The following CSNK1A1 variants were observed in gnomAD, a reference collection of about 807,000 sequenced individuals.
The protein encoded by CSNK1A1 is casein kinase 1 alpha 1.
Under a neutral mutation model 46.1 loss-of-function variants are expected in CSNK1A1, and 7 were observed. The ratio of observed to expected loss-of-function variants is 0.15; its 90% CI spans 0.09 to 0.29. The LOEUF (loss-of-function observed/expected upper bound fraction) is 0.29, where lower values mean the gene tolerates loss of function less well. Ranked by LOEUF, CSNK1A1 falls within the 10% of genes least tolerant of loss-of-function variation. The pLI is 1.00. For missense variants in CSNK1A1, 96 were observed against 417.1 expected, an observed-to-expected ratio of 0.23 and a Z score of 6.71; for synonymous variants, 137 against 141.5, an observed-to-expected ratio of 0.97 and a Z score of 0.23.
At chr5:149,543,036 C>T (rs529615767) in intron 2 of CSNK1A1, among the ~76,000 whole-genome samples, 3 of 152,112 alleles carry the variant, frequency 2.0e-5, no homozygotes, top group African/African-American at 7.2e-5. Context: ...CTGCAATCCA[C>T]AGATTCAAAA....
intron 2 of CSNK1A1, among the ~76,000 whole-genome samples, chr5:149,534,401 T>A (rs1370130147): frequency 6.8e-6 from 1 of 148,054 alleles, no homozygotes; most frequent in Non-Finnish European, 1.5e-5. Flanking sequence ...GAAGAATTGC[T>A]TGAACCCGGG....
intron 2 of CSNK1A1, among the ~76,000 whole-genome samples, chr5:149,544,050 A>G (rs953537214): frequency 6.6e-6 from 1 of 152,236 alleles, no homozygotes; most frequent in African/African-American, 2.4e-5. Flanking sequence ...AAAAGTCCTT[A>G]GGATCAATGA....
intron 4 of CSNK1A1, among the ~76,000 whole-genome samples, chr5:149,514,698 C>T (rs1761345048): frequency 6.6e-6 from 1 of 152,136 alleles, no homozygotes; most frequent in African/African-American, 2.4e-5. Flanking sequence ...TGACCAGTAC[C>T]TCTCCTAGGA....
chr5:149,501,581 T>G (rs1265955064), intron 9 of CSNK1A1: 1 of 985,304 alleles, frequency 1.0e-6, no homozygotes, highest in African/African-American at 1.7e-5. Context: ...GTCAATACTT[T>G]GAGAGCTGTC....
chr5:149,544,737 T>TTA (rs375444306), intron 2 of CSNK1A1, among the ~76,000 whole-genome samples: 25,759 of 80,534 alleles, frequency 0.32, 4,379 homozygotes, highest in Middle Eastern at 0.48. Context: ...GTAAAGAGCT[T>TTA]TATATATATA....
intron 9 of CSNK1A1, chr5:149,504,151 A>G (rs1760956569): frequency 1.0e-6 from 1 of 985,336 alleles, no homozygotes; most frequent in African/African-American, 1.7e-5. Context: ...CTGTGTGAAC[A>G]TTAGGGTTTG....
intron 3 of CSNK1A1, among the ~76,000 whole-genome samples, chr5:149,523,502 T>C (rs1045942263): frequency 1.3e-5 from 2 of 152,244 alleles, no homozygotes; most frequent in East Asian, 3.9e-4. Context: ...CGTGAGCCAG[T>C]GTGCCGCGCC....
intron 9 of CSNK1A1, chr5:149,497,378 C>G: frequency 1.0e-6 from 1 of 985,910 alleles, no homozygotes; most frequent in Non-Finnish European, 1.2e-6. Context: ...TGTAGAGAAA[C>G]CTTAGACCTT....
intron 9 of CSNK1A1, chr5:149,499,302 A>G: frequency 5.5e-6 from 4 of 726,280 alleles, no homozygotes; most frequent in Non-Finnish European, 6.6e-6. Context: ...TCCTTAAAAA[A>G]AAAGGGGAGG....
chr5:149,515,674 G>A lies in CSNK1A1; in HGVS notation c.457-2465C>T, dbSNP rs1446453605. On this transcript the variant is annotated intron_variant, in intron 4 of 9. Coordinates refer to ENST00000377843, the MANE Select transcript of CSNK1A1 (RefSeq NM_001892.6). ...AACTATTGGTGGTTCATTACCTTCG[G>A]GTACCTATCAAGCTTCTTTAGTAGC... Among the ~76,000 whole-genome samples, 101 of 152,174 alleles carry A rather than the reference G, an allele frequency of 6.6e-4. 2 individuals carry two copies. The highest frequency in any genetic ancestry group is 5.9e-4 in the Non-Finnish European group (40 of 67,998).
chr5:149,496,997 T>G, intron 9 of CSNK1A1, 137 bp from the exon 10 acceptor site: 1 of 1,442,568 alleles, frequency 6.9e-7, no homozygotes, highest in Non-Finnish European at 9.0e-7. Flanking sequence ...GTGAAAAGTA[T>G]TAGCTCAACT....
intron 9 of CSNK1A1, 158 bp downstream of exon 9, chr5:149,505,289 T>C (rs1760987603): frequency 1.4e-6 from 2 of 1,413,782 alleles, no homozygotes; most frequent in Non-Finnish European, 1.8e-6. Flanking sequence ...TTAAAGTTAG[T>C]AGTCAAATTT....
Position 149,493,234 on chromosome 5 carries a change from C to T in CSNK1A1, c.*3619G>A, listed in dbSNP as rs1760570073. The T allele has an allele frequency of 6.6e-6, 1 of 152,128 alleles. No individual in the cohort carries two copies. Among genetic ancestry groups the T allele is most frequent in the African/African-American group, 2.4e-5 (1 of 41,390 alleles). 9.4% of individuals were successfully genotyped at this position (152,128 alleles called of 1,614,324 possible). A position where few individuals can be genotyped will look rare whatever the true frequency, so the allele number is the denominator to read the frequency against. On this transcript the variant is annotated 3_prime_UTR_variant, in exon 10 of 10. Transcript: ENST00000377843. ...TACAGGCGCCCGCCACCACACCCGGCTAATTTTTGTATTTTTAGTAGAGAC... is the reference window on the plus strand; with the variant it reads ...TACAGGCGCCCGCCACCACACCCGGTTAATTTTTGTATTTTTAGTAGAGAC...
At chr5:149,500,782 T>C (rs1001656818) in intron 9 of CSNK1A1, among the ~76,000 whole-genome samples, 1 of 150,730 alleles carries the variant, frequency 6.6e-6, no homozygotes, top group Non-Finnish European at 1.5e-5. Context: ...TTAAATCAGA[T>C]TGGCAGTATC....
chr5:149,542,600 A>ATATG (rs1762276032), intron 2 of CSNK1A1, among the ~76,000 whole-genome samples: 1 of 5,078 alleles, frequency 2.0e-4, no homozygotes, highest in Non-Finnish European at 3.0e-4. Context: ...ATTTATATAT[A>ATATG]TATATATATA....
rs1762615816 is a variant in CSNK1A1 at position 149,550,337 on chromosome 5, C to G, written c.124-156G>C. On this transcript the variant is annotated intron_variant, in intron 1 of 9. Transcript: ENST00000377843. This position sits in a 1 kb window ranked among gnomAD's most constrained non-coding sequence, Gnocchi z 4.3. ...TCTCGGTAATTATAAAACGAGGCAA[C>G]CAGCCTCAAAGGCCTCTTCAGGGGG... is the stretch of plus-strand genomic sequence containing the variant. The G allele has an allele frequency of 2.1e-6, 3 of 1,432,028 alleles. No individual in the cohort carries two copies. Among genetic ancestry groups the G allele is most frequent in the Admixed American group, 5.7e-5 (2 of 35,022 alleles). The allele number at this position is 1,432,028 out of a possible 1,614,324, so 88.7% of individuals were successfully genotyped here. A position where few individuals can be genotyped will look rare whatever the true frequency, so the allele number is the denominator to read the frequency against.
At chr5:149,498,299 C>T in intron 9 of CSNK1A1, 2 of 984,936 alleles carry the variant, frequency 2.0e-6, no homozygotes, top group Non-Finnish European at 2.4e-6. Context: ...TGCCTGGGTA[C>T]TAAGTCCATA....
intron 2 of CSNK1A1, chr5:149,529,573 G>A: frequency 2.5e-6 from 1 of 404,108 alleles, no homozygotes; most frequent in Non-Finnish European, 5.0e-6. Context: ...GATGAACAGT[G>A]TTTTGATAAG....
In CSNK1A1 at chr5:149,550,989, G is replaced by A; in HGVS notation, c.-25C>T. On this transcript the variant is annotated 5_prime_UTR_variant, in exon 1 of 10. Transcript: ENST00000377843. The surrounding 1 kb of genome is among the most constrained non-coding windows in gnomAD (Gnocchi z 4.3). The stretch of plus-strand genomic sequence containing the variant: ...TCCTGAGAGACGAAGATGGAGGCTG[G>A]GGCCAAGCCCCGACACCTCTGGGAA... 1 of 1,613,368 alleles carries A rather than the reference G, an allele frequency of 6.2e-7. No homozygotes were observed. The highest frequency in any genetic ancestry group is 8.5e-7 in the Non-Finnish European group (1 of 1,179,832).
Sources: allele counts gnomAD v4.1 joint callset (sites outside exome capture counted in the v4.1 genomes callset), GRCh38; gene constraint gnomAD v4.1.1; non-coding constraint Gnocchi (gnomAD v3.1); transcripts MANE v1.5; gene names NCBI Gene and HGNC (gene_info 2026-07-23, HGNC 2026-07-21).